MFHAS1: variants seen among roughly 807,000 people sequenced by gnomAD.
The protein encoded by MFHAS1 is malignant fibrous histiocytoma-amplified sequence 1.
A neutral mutation model predicts 70.4 loss-of-function variants in MFHAS1; 50 were observed. The ratio of observed to expected loss-of-function variants is 0.71; its 90% CI spans 0.57 to 0.90. The LOEUF (loss-of-function observed/expected upper bound fraction) is 0.90. MFHAS1 is among the 40% of genes least tolerant of loss of function. MFHAS1 has a pLI of 0.00. For synonymous variants in MFHAS1, 952 were observed against 620.0 expected (o/e 1.54, Z -7.96); for missense variants, 1,795 against 1,347.6 (o/e 1.33, Z -5.20).
intron 1 of MFHAS1, among the ~76,000 whole-genome samples, chr8:8,847,517 C>G (rs1369316309): frequency 6.6e-6 from 1 of 152,062 alleles, no homozygotes; most frequent in Admixed American, 6.6e-5. Flanking sequence ...CAGAAAGGAT[C>G]TACTCAGAAG....
intron 1 of MFHAS1, among the ~76,000 whole-genome samples, chr8:8,878,459 C>G (rs552909573): frequency 1.1e-3 from 165 of 152,216 alleles, no homozygotes; most frequent in Non-Finnish European, 2.1e-3. Flanking sequence ...CATGAGAAAA[C>G]GTCAACATTG....
Position 8,799,914 on chromosome 8 carries a change from T to G in MFHAS1, c.2999-2423A>C, listed in dbSNP as rs188566622. Among the ~76,000 whole-genome samples the G allele has an allele frequency of 1.9e-4, 29 of 152,336 alleles. No individual in the cohort carries two copies. In the East Asian group the frequency reaches 3.3e-3, roughly 17 times the overall value. On this transcript the variant is annotated intron_variant, in intron 1 of 2. Coordinates refer to ENST00000276282, the MANE Select transcript of MFHAS1 (RefSeq NM_004225.3). ...GCCCTAGATGGGTTTATCCTCATTT[T>G]ACAAATGAGGATGCTAATGCTCAGG...
rs1805507888 is a variant in MFHAS1 at position 8,785,473 on chromosome 8, CACAGTTCTCATGCAGA to C, written c.*533_*548del. On this transcript the variant is annotated 3_prime_UTR_variant, in exon 3 of 3. Transcript: ENST00000276282. Reference sequence around the variant, plus strand: ...AAATAAGAAATCAGCCCCATCTTGGCACAGTTCTCATGCAGAATATTGCACCCAGTGTGAACTAACG... The same window carrying C: ...AAATAAGAAATCAGCCCCATCTTGGCATATTGCACCCAGTGTGAACTAACG... 2.6e-5 allele frequency: 4 copies of C among 152,538 alleles called. No homozygotes were observed. Among genetic ancestry groups the C allele is most frequent in the Admixed American group, 2.6e-4 (4 of 15,268 alleles). 9.4% of individuals were successfully genotyped at this position (152,538 alleles called of 1,614,324 possible).
Position 8,892,807 on chromosome 8 carries a change from C to G in MFHAS1, c.252G>C (p.Ser84=), listed in dbSNP as rs1182572452. 10 of 1,588,630 alleles carry G rather than the reference C, an allele frequency of 6.3e-6. No individual in the cohort carries two copies. The highest frequency in any genetic ancestry group is 1.7e-4 in the Middle Eastern group (1 of 5,988). Residue 84 remains serine (S), a synonymous_variant, in exon 1 of 3, where the codon TCG becomes TCC. Transcript: ENST00000276282. This position sits in a 1 kb window ranked among gnomAD's most constrained non-coding sequence, Gnocchi z 4.7. ...GLEEVPEGLG[S]ALGSLRVLVL... ...CCAGGACGCGCAGGCTGCCCAGCGC[C>G]GACCCCAGCCCCTCGGGTACCTCCT...
chr8:8,882,001 G>C (rs1296164185), intron 1 of MFHAS1, among the ~76,000 whole-genome samples: 4 of 152,126 alleles, frequency 2.6e-5, no homozygotes, highest in Non-Finnish European at 5.9e-5. Context: ...TAAGAATTAG[G>C]CGGTAGATAT....
In MFHAS1 at chr8:8,893,590, G is replaced by C. The variant is rs1022335092; in HGVS notation, c.-532C>G. The C allele has an allele frequency of 6.8e-6, 1 of 146,640 alleles. No individual in the cohort carries two copies. The highest frequency in any genetic ancestry group is 2.4e-5 in the African/African-American group (1 of 40,840). 9.1% of individuals were successfully genotyped at this position (146,640 alleles called of 1,614,324 possible). A position where few individuals can be genotyped will look rare whatever the true frequency, so the allele number is the denominator to read the frequency against. On this transcript the variant is annotated 5_prime_UTR_variant, in exon 1 of 3. Transcript: ENST00000276282. ...CCCGGGCTCGGGCGGGAGCGCGGGCGCCGCGTCCCCGGCGCTGGGAGGGCG... is the reference window on the plus strand; with the variant it reads ...CCCGGGCTCGGGCGGGAGCGCGGGCCCCGCGTCCCCGGCGCTGGGAGGGCG...
intron 1 of MFHAS1, among the ~76,000 whole-genome samples, chr8:8,865,262 G>A (rs184706676): frequency 8.1e-6 from 1 of 122,872 alleles, no homozygotes; most frequent in Non-Finnish European, 1.6e-5. Flanking sequence ...GGATGACAGA[G>A]TGAGACTCCA....
At chr8:8,795,614 C>G (rs1398889733) in intron 2 of MFHAS1, among the ~76,000 whole-genome samples, 1 of 152,154 alleles carries the variant, frequency 6.6e-6, no homozygotes, top group Non-Finnish European at 1.5e-5. Context: ...AATGAGTTTC[C>G]CAGTTTGGAG....
At chr8:8,809,484 T>C (rs1226450977) in intron 1 of MFHAS1, among the ~76,000 whole-genome samples, 1 of 152,176 alleles carries the variant, frequency 6.6e-6, no homozygotes, top group African/African-American at 2.4e-5. Context: ...TAAAAAGGTC[T>C]GACACCATGT....
chr8:8,883,678 AGCCTGG>A (rs1166738145), intron 1 of MFHAS1, among the ~76,000 whole-genome samples: 1 of 138,548 alleles, frequency 7.2e-6, no homozygotes, highest in Non-Finnish European at 1.5e-5. Flanking sequence ...ACTACACTCC[AGCCTGG>A]GCAACAGAGC....
chr8:8,838,676 G>A (rs946344350), intron 1 of MFHAS1, among the ~76,000 whole-genome samples: 1 of 152,130 alleles, frequency 6.6e-6, no homozygotes, highest in Non-Finnish European at 1.5e-5. Context: ...AGCTGGGCAT[G>A]GAGGCGGGTG....
At chr8:8,835,101 C>A (rs916588455) in intron 1 of MFHAS1, among the ~76,000 whole-genome samples, 14 of 152,108 alleles carry the variant, frequency 9.2e-5, no homozygotes, top group African/African-American at 3.4e-4. Flanking sequence ...TCTAATAGGG[C>A]AACCTAATTC....
At chr8:8,867,114 T>C (rs920050565) in intron 1 of MFHAS1, among the ~76,000 whole-genome samples, 8 of 152,178 alleles carry the variant, frequency 5.3e-5, no homozygotes, top group African/African-American at 1.9e-4. Context: ...CTAAGGTGCA[T>C]TAATATAGAT....
intron 2 of MFHAS1, among the ~76,000 whole-genome samples, chr8:8,795,223 G>A (rs1201217325): frequency 6.6e-6 from 1 of 152,014 alleles, no homozygotes; most frequent in Non-Finnish European, 1.5e-5. Context: ...AGAGACAGAA[G>A]AAAAAGAAAA....
At chr8:8,786,276 T>C (rs1342316335) in intron 2 of MFHAS1, among the ~76,000 whole-genome samples, 1 of 152,230 alleles carries the variant, frequency 6.6e-6, no homozygotes, top group Non-Finnish European at 1.5e-5. Context: ...TCTGTTGGTG[T>C]GTTAAGCTCA....
chr8:8,832,556 A>AGAATGCCT (rs1807442635), intron 1 of MFHAS1, among the ~76,000 whole-genome samples: 1 of 151,992 alleles, frequency 6.6e-6, no homozygotes, highest in Non-Finnish European at 1.5e-5. Flanking sequence ...CATAACCACT[A>AGAATGCCT]GAATGCCTGC....
chr8:8,813,264 A>G lies in MFHAS1; in HGVS notation c.2999-15773T>C, dbSNP rs1806617027. On this transcript the variant is annotated intron_variant, in intron 1 of 2. Coordinates refer to ENST00000276282, the MANE Select transcript of MFHAS1 (RefSeq NM_004225.3). Reference sequence around the variant, plus strand: ...AATGCTAGCACATACAATTATGTACAGTATATAATAACAAACGACTATGTT... The same window carrying G: ...AATGCTAGCACATACAATTATGTACGGTATATAATAACAAACGACTATGTT... Among the ~76,000 whole-genome samples, 4 of 152,236 alleles carry G rather than the reference A, an allele frequency of 2.6e-5. No individual in the cohort carries two copies. In the South Asian group the frequency reaches 8.3e-4, roughly 31 times the overall value.
At chr8:8,790,254 C>G (rs186571376) in intron 2 of MFHAS1, 101 of 417,250 alleles carry the variant, frequency 2.4e-4, no homozygotes, top group Admixed American at 6.4e-4. Flanking sequence ...CCATATCCCC[C>G]CTAATCTCTC....
intron 1 of MFHAS1, among the ~76,000 whole-genome samples, chr8:8,799,635 A>G (rs1003441198): frequency 1.3e-5 from 2 of 152,184 alleles, no homozygotes; most frequent in African/African-American, 4.8e-5. Context: ...GGGCACCTGT[A>G]ATCTCAGGTA....
Sources: allele counts gnomAD v4.1 joint callset (sites outside exome capture counted in the v4.1 genomes callset), GRCh38; gene constraint gnomAD v4.1.1; non-coding constraint Gnocchi (gnomAD v3.1); transcripts MANE v1.5; gene names NCBI Gene and HGNC (gene_info 2026-07-23, HGNC 2026-07-21).